Variants in ZNRF1 observed in about 807,000 individuals in gnomAD.
ZNRF1 encodes the protein E3 ubiquitin-protein ligase ZNRF1.
Under a neutral mutation model 18.4 loss-of-function variants are expected in ZNRF1, and 3 were observed. That is an observed-to-expected ratio of 0.16 (90% CI 0.07 to 0.42). The LOEUF (loss-of-function observed/expected upper bound fraction) is 0.42, where lower values mean the gene tolerates loss of function less well. Among genes scored for constraint, ZNRF1 ranks in the 10% least tolerant of loss-of-function variants. The probability of loss-of-function intolerance (pLI) is 0.99; values close to 1 mark genes in which losing one functional copy is unlikely to be tolerated. For synonymous variants in ZNRF1, 157 were observed against 144.2 expected, an observed-to-expected ratio of 1.09 and a Z score of -0.64; for missense variants, 310 against 329.8, an observed-to-expected ratio of 0.94 and a Z score of 0.47.
intron 1 of ZNRF1, among the ~76,000 whole-genome samples, chr16:75,050,787 C>G (rs2035587017): frequency 7.4e-6 from 1 of 135,936 alleles, no homozygotes. Flanking sequence ...AGGAGAATGA[C>G]ATGAACCCGG....
chr16:75,011,441 C>A (rs2034999173), intron 1 of ZNRF1, among the ~76,000 whole-genome samples: 1 of 152,116 alleles, frequency 6.6e-6, no homozygotes. Flanking sequence ...CTATGTTGCC[C>A]AGGCTGGACA....
At chr16:75,078,898 C>A (rs1018722998) in intron 1 of ZNRF1, among the ~76,000 whole-genome samples, 1 of 152,128 alleles carries the variant, frequency 6.6e-6, no homozygotes, top group African/African-American at 2.4e-5. Flanking sequence ...TTCTTGTTAT[C>A]CTTAGGAGAT....
intron 1 of ZNRF1, among the ~76,000 whole-genome samples, chr16:75,052,994 G>A (rs1450207216): frequency 1.3e-5 from 2 of 152,190 alleles, no homozygotes; most frequent in Admixed American, 6.5e-5. Flanking sequence ...GTGAATCGGC[G>A]CCCTCTGACT....
At position 75,110,739 on chromosome 16, in the gene ZNRF1, G is replaced by C. The variant is rs1002514868; in HGVS notation, c.*3039G>C. The C allele has an allele frequency of 6.6e-6, 1 of 152,230 alleles. No homozygotes were observed. The highest frequency in any genetic ancestry group is 1.5e-5 in the Non-Finnish European group (1 of 68,048). The allele number at this position is 152,230 out of a possible 1,614,324, so 9.4% of individuals were successfully genotyped here. A position where few individuals can be genotyped will look rare whatever the true frequency, so the allele number is the denominator to read the frequency against. ...TTTGCTGAGCGCCTCCTAGTTGCCA[G>C]GCACTGGAGGGCGCATCAAAGAAGA... On this transcript the variant is annotated 3_prime_UTR_variant, in exon 5 of 5. Coordinates refer to ENST00000335325, the MANE Select transcript of ZNRF1 (RefSeq NM_032268.5).
chr16:75,099,204 C>T (rs141647820), intron 2 of ZNRF1, among the ~76,000 whole-genome samples: 2 of 152,302 alleles, frequency 1.3e-5, no homozygotes, highest in East Asian at 1.9e-4. Context: ...TGAGCTTATC[C>T]GAAGATCCCC....
intron 1 of ZNRF1, among the ~76,000 whole-genome samples, chr16:75,045,801 G>C (rs906409706): frequency 1.3e-5 from 2 of 149,486 alleles, no homozygotes; most frequent in African/African-American, 4.9e-5. Flanking sequence ...CTGCAGTCTC[G>C]AATTCCTGGG....
intron 1 of ZNRF1, 74 bp downstream of exon 1, chr16:75,000,169 G>A (rs1000449373): frequency 6.5e-7 from 1 of 1,547,126 alleles, no homozygotes; most frequent in Non-Finnish European, 8.7e-7. Context: ...TGCGTGCCAA[G>A]GTTTGGGAAT....
At chr16:75,053,382 A>G (rs746993366) in intron 1 of ZNRF1, among the ~76,000 whole-genome samples, 2 of 152,104 alleles carry the variant, frequency 1.3e-5, no homozygotes, top group Non-Finnish European at 2.9e-5. Context: ...TGAGGTCAGG[A>G]GTTCAAGACT....
intron 1 of ZNRF1, among the ~76,000 whole-genome samples, chr16:75,035,087 A>G (rs1280262343): frequency 6.6e-6 from 1 of 151,706 alleles, no homozygotes; most frequent in Non-Finnish European, 1.5e-5. Flanking sequence ...GTGAGTTCCA[A>G]TTTCTTCATA....
chr16:75,016,843 C>A (rs2035079570), intron 1 of ZNRF1, among the ~76,000 whole-genome samples: 1 of 152,014 alleles, frequency 6.6e-6, no homozygotes, highest in Admixed American at 6.6e-5. Context: ...CCGCGGCCGG[C>A]CTACTGTTTT....
At chr16:75,035,779 C>T (rs1414420239) in intron 1 of ZNRF1, among the ~76,000 whole-genome samples, 1 of 152,214 alleles carries the variant, frequency 6.6e-6, no homozygotes, top group Non-Finnish European at 1.5e-5. Flanking sequence ...GGAGGGGCCC[C>T]ATGCACAGTG....
intron 1 of ZNRF1, among the ~76,000 whole-genome samples, chr16:75,064,917 G>A (rs931146343): frequency 2.6e-5 from 4 of 152,186 alleles, no homozygotes; most frequent in South Asian, 2.1e-4. Context: ...TGCATGTGCC[G>A]TCCTTTGCCC....
chr16:75,022,547 C>G (rs1304408539), intron 1 of ZNRF1, among the ~76,000 whole-genome samples: 1 of 149,722 alleles, frequency 6.7e-6, no homozygotes, highest in Non-Finnish European at 1.5e-5. Flanking sequence ...GCCTGGGCGA[C>G]AAAGCGAGAC....
chr16:75,030,700 T>G (rs780299445), intron 1 of ZNRF1, among the ~76,000 whole-genome samples: 1 of 152,222 alleles, frequency 6.6e-6, no homozygotes, highest in Admixed American at 6.5e-5. Context: ...TTTCTGCCTA[T>G]GTAAACTTGC....
chr16:75,068,442 C>T (rs1461896463), intron 1 of ZNRF1, among the ~76,000 whole-genome samples: 1 of 152,148 alleles, frequency 6.6e-6, no homozygotes, highest in South Asian at 2.1e-4. Flanking sequence ...AGCAGCTGTG[C>T]TGCTGTGGCC....
intron 1 of ZNRF1, among the ~76,000 whole-genome samples, chr16:75,073,539 G>A (rs1047186240): frequency 2.6e-5 from 4 of 152,054 alleles, no homozygotes; most frequent in African/African-American, 9.7e-5. Context: ...GTGCATACAT[G>A]GGTTTTGTTA....
intron 1 of ZNRF1, among the ~76,000 whole-genome samples, chr16:75,010,499 C>T (rs2034980874): frequency 6.6e-6 from 1 of 151,928 alleles, no homozygotes; most frequent in Non-Finnish European, 1.5e-5. Flanking sequence ...GTTGGTAGTG[C>T]CTTACTTTCA....
intron 2 of ZNRF1, among the ~76,000 whole-genome samples, chr16:75,096,470 C>T (rs546969114): frequency 6.6e-6 from 1 of 152,230 alleles, no homozygotes; most frequent in South Asian, 2.1e-4. Flanking sequence ...TGTCATCATC[C>T]CAACCTCACC....
intron 1 of ZNRF1, among the ~76,000 whole-genome samples, chr16:75,079,210 G>A (rs952815703): frequency 1.3e-5 from 2 of 152,170 alleles, no homozygotes; most frequent in African/African-American, 2.4e-5. Context: ...GGCCGGGCGC[G>A]GTGGCTCATG....
Sources: allele counts gnomAD v4.1 joint callset (sites outside exome capture counted in the v4.1 genomes callset), GRCh38; gene constraint gnomAD v4.1.1; transcripts MANE v1.5; gene names NCBI Gene and HGNC (gene_info 2026-07-23, HGNC 2026-07-21).